The following ASTN1 variants were observed in gnomAD, a reference collection of about 807,000 sequenced individuals.
ASTN1 encodes the protein astrotactin-1.
ASTN1 carries 41 observed loss-of-function variants against 140.7 expected under a neutral mutation model. The observed-to-expected ratio is 0.29, with a 90% confidence interval of 0.23 to 0.38. The LOEUF (loss-of-function observed/expected upper bound fraction) is 0.38. Ranked by LOEUF, ASTN1 falls within the 10% of genes least tolerant of loss-of-function variation. ASTN1 has a pLI of 1.00. For synonymous variants in ASTN1, 640 were observed against 652.2 expected (o/e 0.98, Z 0.29); for missense variants, 1,479 against 1,678.8 (o/e 0.88, Z 2.08).
At chr1:176,904,031 G>C (rs565844935) in intron 16 of ASTN1, among the ~76,000 whole-genome samples, 2 of 152,112 alleles carry the variant, frequency 1.3e-5, no homozygotes, top group Admixed American at 6.5e-5. Context: ...GACACTAGTC[G>C]TTGAAGGTAG....
intron 8 of ASTN1, among the ~76,000 whole-genome samples, chr1:176,995,243 G>C (rs575981666): frequency 7.2e-5 from 11 of 152,304 alleles, no homozygotes; most frequent in Admixed American, 7.2e-4. Context: ...CTTGCAGCTT[G>C]GGATAGTATG....
chr1:176,857,326 G>T, downstream of ASTN1: 1 of 367,006 alleles, frequency 2.7e-6, no homozygotes, highest in Non-Finnish European at 4.8e-6. Flanking sequence ...CTAACTTTTA[G>T]TTTGAAGTAT....
intron 13 of ASTN1, among the ~76,000 whole-genome samples, chr1:176,945,545 G>A (rs964875792): frequency 1.3e-5 from 2 of 152,116 alleles, no homozygotes; most frequent in Non-Finnish European, 2.9e-5. Context: ...CCCTAAGAGG[G>A]TTCCTGGGAC....
chr1:176,875,107 T>C (rs1668507694), intron 21 of ASTN1, among the ~76,000 whole-genome samples: 1 of 152,208 alleles, frequency 6.6e-6, no homozygotes, highest in Non-Finnish European at 1.5e-5. Flanking sequence ...TACCTTATTA[T>C]GGCTCCTGGC....
At chr1:176,965,659 G>A (rs1273363417) in intron 8 of ASTN1, among the ~76,000 whole-genome samples, 3 of 152,108 alleles carry the variant, frequency 2.0e-5, no homozygotes, top group Non-Finnish European at 4.4e-5. Flanking sequence ...TCAACTGTCT[G>A]ACCATGGACC....
At chr1:177,053,315 CTT>C (rs903825855) in intron 2 of ASTN1, among the ~76,000 whole-genome samples, 1 of 152,168 alleles carries the variant, frequency 6.6e-6, no homozygotes, top group Non-Finnish European at 1.5e-5. Context: ...AATTTGGCCT[CTT>C]AGCTATTTTT....
Position 176,861,309 on chromosome 1 carries a change from A to C in ASTN1, c.*2975T>G. The C allele has an allele frequency of 1.0e-6, 1 of 985,854 alleles. No individual in the cohort carries two copies. Among genetic ancestry groups the C allele is most frequent in the Non-Finnish European group, 1.2e-6 (1 of 829,922 alleles). The allele number at this position is 985,854 out of a possible 1,614,324, so 61.1% of individuals were successfully genotyped here. A position where few individuals can be genotyped will look rare whatever the true frequency, so the allele number is the denominator to read the frequency against. ...CAAACTCCATGGAAAACGATTGCAC[A>C]CTCAATTAAAAGTCTAATGCTATTA... On this transcript the variant is annotated 3_prime_UTR_variant, in exon 23 of 23. Transcript: ENST00000361833.
intron 18 of ASTN1, among the ~76,000 whole-genome samples, chr1:176,887,334 C>T (rs1669070888): frequency 6.6e-6 from 1 of 152,206 alleles, no homozygotes. Context: ...TCAAACCTGC[C>T]TATCCTTTGA....
intron 2 of ASTN1, among the ~76,000 whole-genome samples, chr1:177,047,409 G>A (rs575599377): frequency 6.6e-6 from 1 of 152,282 alleles, no homozygotes; most frequent in South Asian, 2.1e-4. Context: ...AGCTCACAGA[G>A]GGGAAGGCAA....
chr1:177,164,258 G>GGGAGTGGGGCGGATCCGGGAGGTA (rs1647567645), intron 1 of ASTN1, 136 bp downstream of exon 1: 2 of 988,900 alleles, frequency 2.0e-6, no homozygotes, highest in Middle Eastern at 2.7e-4. Flanking sequence ...AGAATGGTCC[G>GGGAGTGGGGCGGATCCGGGAGGTA]GGAGTGGGGC....
rs191762713 is a variant in ASTN1 at position 177,006,624 on chromosome 1, T to A, written c.1523+8167A>T. Among the ~76,000 whole-genome samples the A allele has an allele frequency of 9.0e-4, 137 of 152,298 alleles. 2 individuals carry two copies. Among genetic ancestry groups the A allele is most frequent in the Non-Finnish European group, 1.3e-4 (9 of 68,012 alleles). The stretch of plus-strand genomic sequence containing the variant: ...TCTATAAAATTGAAACAATTTATCT[T>A]CCATTCTTGAGCAGATGAGAGGGTA... On this transcript the variant is annotated intron_variant, in intron 8 of 22. Coordinates refer to ENST00000361833, the MANE Select transcript of ASTN1 (RefSeq NM_004319.3).
intron 16 of ASTN1, 146 bp from the exon 17 acceptor site, chr1:176,894,976 T>A: frequency 2.6e-6 from 3 of 1,163,142 alleles, no homozygotes; most frequent in Non-Finnish European, 3.6e-6. Context: ...CCATCCCACT[T>A]AATTTGGGGC....
In ASTN1 at chr1:176,864,362, G is replaced by A. The variant is rs1668062452; in HGVS notation, c.3807C>T (p.Ser1269=). 2 of 1,614,060 alleles carry A rather than the reference G, an allele frequency of 1.2e-6. No individual in the cohort carries two copies. The highest frequency in any genetic ancestry group is 1.7e-6 in the Non-Finnish European group (2 of 1,179,994). ...CCTCACACGTCTTCCTGAGGTCCCG[G>A]CTGAGCTCCGCCCAGTCAAGTCCGT... ...KPYGLDWAEL[S]RDLRKTCEEQ... is the part of the protein sequence containing the mutation. The change falls in exon 23 of 23, where the codon AGC becomes AGT. Residue 1269 remains serine, a synonymous_variant. Transcript: ENST00000361833.
At chr1:176,970,700 A>G (rs182062151) in intron 8 of ASTN1, among the ~76,000 whole-genome samples, 24 of 149,986 alleles carry the variant, frequency 1.6e-4, no homozygotes, top group African/African-American at 5.9e-4. Context: ...GTATGTATAT[A>G]TGTATCTGTG....
chr1:177,064,010 A>T (rs951136591), intron 1 of ASTN1, among the ~76,000 whole-genome samples: 2 of 152,026 alleles, frequency 1.3e-5, no homozygotes, highest in African/African-American at 4.8e-5. Flanking sequence ...CCAGATTTTT[A>T]TTTCCCAGGA....
chr1:176,914,112 A>G (rs1200898081), intron 16 of ASTN1, among the ~76,000 whole-genome samples: 1 of 152,188 alleles, frequency 6.6e-6, no homozygotes, highest in Non-Finnish European at 1.5e-5. Context: ...GGTTGGTGCT[A>G]AAATAGTTCC....
At chr1:177,104,002 G>A (rs1680423790) in intron 1 of ASTN1, among the ~76,000 whole-genome samples, 1 of 152,116 alleles carries the variant, frequency 6.6e-6, no homozygotes, top group African/African-American at 2.4e-5. Context: ...AAAGGGTATG[G>A]CCTGGCGTGC....
Position 176,943,956 on chromosome 1 carries a change from A to G in ASTN1, c.2312T>C (p.Val771Ala). The part of the protein sequence containing the change: ...QLPDGLVVAT[V>A]PLENQCLEEI... ...CTCTAGGCATTGATTCTCCAGGGGC[A>G]CAGTGGCCACCACAAGACCATCTGG... The change falls in exon 14 of 23, where the codon GTG becomes GCG. Residue 771 changes from valine to alanine, a missense_variant. By Grantham distance (64) the Val-to-Ala change is moderately conservative. Around this residue, in one of 3 missense-constraint regions of ASTN1, gnomAD observed 746 missense variants for 800.9 expected, o/e 0.93. Transcript: ENST00000361833. The G allele has an allele frequency of 6.2e-7, 1 of 1,614,114 alleles. No individual in the cohort carries two copies. The highest frequency in any genetic ancestry group is 8.5e-7 in the Non-Finnish European group (1 of 1,180,004).
intron 20 of ASTN1, among the ~76,000 whole-genome samples, chr1:176,878,037 G>A (rs1196895192): frequency 2.6e-5 from 4 of 152,180 alleles, no homozygotes; most frequent in Non-Finnish European, 4.4e-5. Flanking sequence ...GAGAGCCTGT[G>A]TGCCCCAATA....
Sources: gnomAD v4.1 joint callset for allele counts (sites outside exome capture counted in the v4.1 genomes callset) on GRCh38, gnomAD v4.1.1 for gene constraint, gnomAD v4.1.1 regional missense constraint, MANE v1.5 for transcripts, NCBI Gene and HGNC (gene_info 2026-07-23, HGNC 2026-07-21) for gene names.